The following XKR4 variants were observed in gnomAD, a reference collection of about 807,000 sequenced individuals.
The protein encoded by XKR4 is XK-related protein 4.
XKR4 carries 12 observed loss-of-function variants against 53.9 expected under a neutral mutation model. The observed-to-expected ratio is 0.22, with a 90% CI of 0.14 to 0.36. XKR4 has a LOEUF of 0.36. Among genes scored for constraint, XKR4 ranks in the 10% least tolerant of loss-of-function variants. The pLI is 1.00. For missense variants in XKR4, 799 were observed against 859.5 expected, an observed-to-expected ratio of 0.93 and a Z score of 0.88; for synonymous variants, 354 against 362.4, an observed-to-expected ratio of 0.98 and a Z score of 0.26.
chr8:55,464,950 A>G (rs561976104), intron 2 of XKR4, among the ~76,000 whole-genome samples: 1 of 152,216 alleles, frequency 6.6e-6, no homozygotes, highest in East Asian at 1.9e-4. Flanking sequence ...GACCTCTTCA[A>G]GGAGAACTAC....
At chr8:55,129,199 G>C (rs1287893525) in intron 1 of XKR4, among the ~76,000 whole-genome samples, 1 of 152,172 alleles carries the variant, frequency 6.6e-6, no homozygotes, top group African/African-American at 2.4e-5. Flanking sequence ...GGAAAATATA[G>C]TTTTTTCTTT....
In XKR4 at chr8:55,450,913, G is replaced by A. The variant is rs552162380; in HGVS notation, c.1007-72368G>A. 1.2e-5 allele frequency: 6 copies of A among 483,292 alleles called. No individual in the cohort carries two copies. In the East Asian group the frequency reaches 3.1e-4, roughly 25 times the overall value. 29.9% of individuals were successfully genotyped at this position (483,292 alleles called of 1,614,324 possible). On this transcript the variant is annotated intron_variant, in intron 2 of 2. Coordinates refer to ENST00000327381, the MANE Select transcript of XKR4 (RefSeq NM_052898.2). Reference sequence around the variant, plus strand: ...GACACCTGCAGCAGCTTGTGGATCTGAATCAGCCACTCTGAGTCCTCCAGC... The same window carrying A: ...GACACCTGCAGCAGCTTGTGGATCTAAATCAGCCACTCTGAGTCCTCCAGC...
intron 1 of XKR4, among the ~76,000 whole-genome samples, chr8:55,132,900 G>A (rs553835908): frequency 6.6e-6 from 1 of 152,268 alleles, no homozygotes; most frequent in South Asian, 2.1e-4. Flanking sequence ...CCATGTGATG[G>A]GGGGCCATTC....
chr8:55,452,850 C>A (rs562790910), intron 2 of XKR4: 2 of 769,496 alleles, frequency 2.6e-6, no homozygotes, highest in Non-Finnish European at 4.7e-6. Flanking sequence ...CTGAAGCAGG[C>A]GGCTCTTGCT....
intron 1 of XKR4, among the ~76,000 whole-genome samples, chr8:55,220,737 T>G: frequency 6.6e-6 from 1 of 152,264 alleles, no homozygotes; most frequent in Admixed American, 6.5e-5. Flanking sequence ...CCCCAGAAGC[T>G]GAGCCCTCCA....
chr8:55,357,976 G>T, intron 2 of XKR4, 99 bp downstream of exon 2: 1 of 1,186,244 alleles, frequency 8.4e-7, no homozygotes, highest in East Asian at 2.6e-5. Flanking sequence ...GTTGACACAG[G>T]CCTGTGATGT....
At chr8:55,521,923 TG>T (rs572811244) in intron 2 of XKR4, among the ~76,000 whole-genome samples, 406 of 152,324 alleles carry the variant, frequency 2.7e-3, no homozygotes, top group Middle Eastern at 0.017. Flanking sequence ...AAGGCTTTAA[TG>T]GGGCCTGGTT....
chr8:55,284,172 A>G (rs541398423), intron 1 of XKR4, among the ~76,000 whole-genome samples: 218 of 152,320 alleles, frequency 1.4e-3, no homozygotes, highest in Non-Finnish European at 2.4e-3. Flanking sequence ...TTTGTAGGTA[A>G]TATCTTCTTA....
chr8:55,105,063 A>G (rs924872765), intron 1 of XKR4, among the ~76,000 whole-genome samples: 5 of 152,168 alleles, frequency 3.3e-5, no homozygotes, highest in Non-Finnish European at 7.4e-5. Context: ...TAATTCAAAT[A>G]CTTCTCTATC....
intron 2 of XKR4, among the ~76,000 whole-genome samples, chr8:55,448,752 C>A (rs1010833029): frequency 2.0e-5 from 3 of 152,224 alleles, no homozygotes; most frequent in Non-Finnish European, 2.9e-5. Flanking sequence ...TAGGCTGAAG[C>A]TTTGCTTCAT....
At position 55,263,001 on chromosome 8, in the gene XKR4, C is replaced by G. The variant is rs117462520; in HGVS notation, c.807-94677C>G. On this transcript the variant is annotated intron_variant, in intron 1 of 2. Transcript: ENST00000327381. The stretch of plus-strand genomic sequence containing the variant: ...CAAGTCTCTCACTTCCCCACACGCC[C>G]TGCACAGCATTGGCCTCTGAGTCCT... Among the ~76,000 whole-genome samples the G allele has an allele frequency of 4.7e-4, 71 of 152,288 alleles. 1 individual carries two copies. In the East Asian group the frequency reaches 0.012, roughly 25 times the overall value.
chr8:55,248,811 G>A (rs1818327396), intron 1 of XKR4, among the ~76,000 whole-genome samples: 1 of 151,924 alleles, frequency 6.6e-6, no homozygotes, highest in South Asian at 2.1e-4. Context: ...CTGCAGGCTG[G>A]AGTCTCAGAG....
chr8:55,316,940 G>A (rs577964707), intron 1 of XKR4, among the ~76,000 whole-genome samples: 2 of 152,174 alleles, frequency 1.3e-5, no homozygotes, highest in South Asian at 2.1e-4. Context: ...GAAGTATATC[G>A]GATGTTAAAG....
chr8:55,165,475 A>T (rs562001985), intron 1 of XKR4, among the ~76,000 whole-genome samples: 40 of 152,190 alleles, frequency 2.6e-4, no homozygotes, highest in Non-Finnish European at 4.6e-4. Context: ...CTTGCAAAGT[A>T]TCATGAAATA....
chr8:55,478,647 G>A (rs1806043737), intron 2 of XKR4, among the ~76,000 whole-genome samples: 1 of 152,106 alleles, frequency 6.6e-6, no homozygotes, highest in Admixed American at 6.6e-5. Context: ...GCTGTATTCA[G>A]GAAAACCATC....
chr8:55,173,731 C>A (rs975740146), intron 1 of XKR4, among the ~76,000 whole-genome samples: 2 of 152,162 alleles, frequency 1.3e-5, no homozygotes, highest in Admixed American at 1.3e-4. Context: ...GCAGTACCAC[C>A]AATTAAGAAT....
At chr8:55,399,462 C>G (rs1371037228) in intron 2 of XKR4, among the ~76,000 whole-genome samples, 2 of 152,308 alleles carry the variant, frequency 1.3e-5, no homozygotes, top group South Asian at 2.1e-4. Flanking sequence ...GCAGAATAGT[C>G]CCCATAATCT....
intron 2 of XKR4, among the ~76,000 whole-genome samples, chr8:55,470,659 C>T (rs530070184): frequency 6.6e-6 from 1 of 152,254 alleles, no homozygotes; most frequent in Admixed American, 6.5e-5. Flanking sequence ...GGCAAGCCCC[C>T]AGTTGTGAAG....
intron 1 of XKR4, among the ~76,000 whole-genome samples, chr8:55,316,632 C>T (rs1428415106): frequency 1.3e-5 from 2 of 152,092 alleles, no homozygotes; most frequent in Non-Finnish European, 2.9e-5. Context: ...ATGTCCAGTT[C>T]CTCCCTTTTC....
Sources: gnomAD v4.1 joint callset for allele counts (sites outside exome capture counted in the v4.1 genomes callset) on GRCh38, gnomAD v4.1.1 for gene constraint, MANE v1.5 for transcripts, NCBI Gene and HGNC (gene_info 2026-07-23, HGNC 2026-07-21) for gene names.